DLAT: variants seen among roughly 807,000 people sequenced by gnomAD.
The protein encoded by DLAT is dihydrolipoamide S-acetyltransferase, also known as dihydrolipoyllysine-residue acetyltransferase component of pyruvate dehydrogenase complex, mitochondrial.
DLAT carries 43 observed loss-of-function variants against 68.0 expected under a neutral mutation model. The observed-to-expected ratio is 0.63, with a 90% CI of 0.50 to 0.81. DLAT has a LOEUF of 0.81. Ranked by LOEUF, DLAT falls within the 40% of genes least tolerant of loss-of-function variation. The pLI, the probability that DLAT is intolerant of heterozygous loss-of-function variation, is 0.00. For missense variants in DLAT, 745 were observed against 815.4 expected, an observed-to-expected ratio of 0.91 and a Z score of 1.05; for synonymous variants, 265 against 288.6, an observed-to-expected ratio of 0.92 and a Z score of 0.83.
At chr11:112,049,451 A>G (rs1555181787) in intron 10 of DLAT, among the ~76,000 whole-genome samples, 1 of 152,184 alleles carries the variant, frequency 6.6e-6, no homozygotes, top group East Asian at 1.9e-4. Flanking sequence ...TTTGCACTCT[A>G]AATTTGCATT....
At chr11:112,061,310 A>T in intron 13 of DLAT, 136 bp downstream of exon 13, 1 of 846,182 alleles carries the variant, frequency 1.2e-6, no homozygotes, top group Non-Finnish European at 2.0e-6. Context: ...CCCTGATATG[A>T]TATGATGTAA....
intron 2 of DLAT, among the ~76,000 whole-genome samples, chr11:112,026,766 T>TC (rs1217652103): frequency 6.6e-6 from 1 of 151,904 alleles, no homozygotes; most frequent in Non-Finnish European, 1.5e-5. Context: ...TCCCCACCTT[T>TC]CCCCCCTTTC....
intron 6 of DLAT, among the ~76,000 whole-genome samples, chr11:112,038,099 C>G (rs1486042200): frequency 2.0e-5 from 3 of 152,178 alleles, no homozygotes; most frequent in African/African-American, 7.2e-5. Context: ...ATGCTAGAAT[C>G]ATGTGAGTTT....
chr11:112,047,099 G>A (rs996307122), intron 10 of DLAT, among the ~76,000 whole-genome samples: 5 of 152,170 alleles, frequency 3.3e-5, no homozygotes, highest in South Asian at 2.1e-4. Flanking sequence ...GTGTAAAAGC[G>A]TTCCTATTTC....
Position 112,060,071 on chromosome 11 carries a change from G to T in DLAT, c.1677+6G>T, listed in dbSNP as rs781851576. 1.9e-6 allele frequency: 3 copies of T among 1,609,430 alleles called. No homozygotes were observed. The highest frequency in any genetic ancestry group is 2.2e-5 in the East Asian group (1 of 44,588). On this transcript the variant is annotated splice_donor_region_variant and intron_variant, in intron 12 of 13. Transcript: ENST00000280346. The stretch of plus-strand genomic sequence containing the variant: ...TACAGCCACATGAATTCCAGGTAGG[G>T]TATTAATTATTGCTTTCTAATTATG...
intron 2 of DLAT, 93 bp downstream of exon 2, chr11:112,026,392 T>C (rs1402065496): frequency 3.1e-6 from 2 of 646,284 alleles, no homozygotes; most frequent in Admixed American, 7.3e-5. Context: ...GGCAGGGTCA[T>C]AGGACAATAG....
In DLAT at chr11:112,039,229, A is replaced by AT. The variant is rs782800078; in HGVS notation, c.976-7dup. 8 of 1,613,056 alleles carry AT rather than the reference A, an allele frequency of 5.0e-6. No homozygotes were observed. The South Asian group carries it at 5.5e-5, about 11-fold the overall frequency. ...AAGTGGTGAATTAAAACAATTTGTA[A>AT]TTTTTTTTCAAAAGGTGGCCGCTGT... On this transcript the variant is annotated splice_polypyrimidine_tract_variant and intron_variant, in intron 6 of 13. Transcript: ENST00000280346.
In DLAT at chr11:112,025,615, T is replaced by A. The variant is rs782140871; in HGVS notation, c.143T>A (p.Val48Glu). 49 of 1,613,792 alleles carry A rather than the reference T, an allele frequency of 3.0e-5. No individual in the cohort carries two copies. The highest frequency in any genetic ancestry group is 4.1e-5 in the Non-Finnish European group (48 of 1,179,994). ...SGPAPARRNS[V>E]TTGYGGVRAL... ...CCGGCTCCCGCTCGTCGCAACAGCG[T>A]GACTACAGGGTATGGCGGGGTCCGG... Residue 48 changes from valine to glutamate, a missense_variant, in exon 1 of 14, where the codon GTG becomes GAG. Transcript: ENST00000280346.
Position 112,039,283 on chromosome 11 carries a change from A to G in DLAT, c.1015A>G (p.Thr339Ala), listed in dbSNP as rs782206862. 75 of 1,614,006 alleles carry G rather than the reference A, an allele frequency of 4.6e-5. No individual in the cohort carries two copies. Among genetic ancestry groups the G allele is most frequent in the Non-Finnish European group, 6.0e-5 (71 of 1,180,028 alleles). ...VPPTPQPLAP[T>A]PSAPCPATPA... is the part of the protein sequence containing the mutation. ...TCCAACTCCCCAGCCTTTAGCTCCT[A>G]CACCTTCAGCACCCTGCCCAGCTAC... The change falls in exon 7 of 14, where the codon ACA becomes GCA. Residue 339 changes from threonine (T) to alanine (A), a missense_variant. Thr to Ala is a moderately conservative substitution (Grantham distance 58, BLOSUM62 0). Transcript: ENST00000280346.
intron 13 of DLAT, among the ~76,000 whole-genome samples, chr11:112,062,179 T>TAA (rs1485792850): frequency 3.3e-5 from 5 of 152,152 alleles, no homozygotes; most frequent in Non-Finnish European, 5.9e-5. Flanking sequence ...CTTTACCTAA[T>TAA]AAAAACAGGC....
At position 112,051,262 on chromosome 11, in the gene DLAT, T is replaced by C. The variant is rs1555181959; in HGVS notation, c.1427T>C (p.Val476Ala). 1 of 1,612,916 alleles carries C rather than the reference T, an allele frequency of 6.2e-7. No individual in the cohort carries two copies. The highest frequency in any genetic ancestry group is 1.8e-4 in the Middle Eastern group (1 of 5,696). Residue 476 changes from valine (V) to alanine (A), a missense_variant, in exon 11 of 14, where the codon GTC becomes GCC. Physicochemically the swap from Val to Ala is moderately conservative, Grantham distance 64. Coordinates refer to ENST00000280346, the MANE Select transcript of DLAT (RefSeq NM_001931.5). The surrounding 1 kb of genome is among the most constrained non-coding windows in gnomAD (Gnocchi z 4.3). ...KILEGRSKIS[V>A]NDFIIKASAL... ...TTAGAAGGGAGAAGCAAAATTTCTGTCAATGACTTCATCATAAAAGCTTCA... is the reference window on the plus strand; with the variant it reads ...TTAGAAGGGAGAAGCAAAATTTCTGCCAATGACTTCATCATAAAAGCTTCA...
At chr11:112,026,708 C>CTA (rs1862036679) in intron 2 of DLAT, among the ~76,000 whole-genome samples, 1 of 152,240 alleles carries the variant, frequency 6.6e-6, no homozygotes, top group African/African-American at 2.4e-5. Flanking sequence ...TCTCCCATGT[C>CTA]TACCTCTTTC....
At position 112,060,083 on chromosome 11, in the gene DLAT, G is replaced by A. The variant is rs782497091; in HGVS notation, c.1677+18G>A. 2 of 1,605,628 alleles carry A rather than the reference G, an allele frequency of 1.2e-6. No homozygotes were observed. The highest frequency in any genetic ancestry group is 3.3e-5 in the Admixed American group (2 of 59,760). On this transcript the variant is annotated intron_variant, in intron 12 of 13. Coordinates refer to ENST00000280346, the MANE Select transcript of DLAT (RefSeq NM_001931.5). The stretch of plus-strand genomic sequence containing the variant: ...AATTCCAGGTAGGGTATTAATTATT[G>A]CTTTCTAATTATGTTATTTTTAAGG...
chr11:112,046,070 A>G, intron 10 of DLAT, 100 bp downstream of exon 10: 2 of 702,460 alleles, frequency 2.8e-6, no homozygotes, highest in Non-Finnish European at 2.5e-6. Flanking sequence ...ACAATATATC[A>G]GTTGGTGGTT....
chr11:112,051,459 C>T lies in DLAT; in HGVS notation c.1514+110C>T. Reference sequence around the variant, plus strand: ...AAATGGAATACAGAGAGGCAGATGACTTACATAGGTCAAACAACTTGAAAA... The same window carrying T: ...AAATGGAATACAGAGAGGCAGATGATTTACATAGGTCAAACAACTTGAAAA... On this transcript the variant is annotated intron_variant, in intron 11 of 13. Coordinates refer to ENST00000280346, the MANE Select transcript of DLAT (RefSeq NM_001931.5). The surrounding 1 kb of genome is among the most constrained non-coding windows in gnomAD (Gnocchi z 4.3). 1.3e-6 allele frequency: 1 copy of T among 791,848 alleles called. No individual in the cohort carries two copies. Among genetic ancestry groups the T allele is most frequent in the East Asian group, 2.6e-5 (1 of 38,578 alleles). 49.1% of individuals were successfully genotyped at this position (791,848 alleles called of 1,614,324 possible).
chr11:112,033,322 A>C, intron 4 of DLAT, 82 bp from the exon 5 acceptor site: 1 of 1,543,576 alleles, frequency 6.5e-7, no homozygotes, highest in South Asian at 1.1e-5. Context: ...CCATCATTCT[A>C]TGAAACCACA....
At chr11:112,036,219 T>G (rs868967811) in intron 5 of DLAT, among the ~76,000 whole-genome samples, 83 of 115,464 alleles carry the variant, frequency 7.2e-4, no homozygotes, top group African/African-American at 2.5e-3. Flanking sequence ...TTTTTTTTTT[T>G]TTTTTTTTTT....
chr11:112,044,342 A>C (rs144143990), intron 8 of DLAT, among the ~76,000 whole-genome samples: 2 of 152,088 alleles, frequency 1.3e-5, no homozygotes, highest in African/African-American at 4.8e-5. Flanking sequence ...CTACAGGTGC[A>C]TGCCATCACA....
intron 10 of DLAT, among the ~76,000 whole-genome samples, chr11:112,049,832 T>C (rs1863516556): frequency 6.6e-6 from 1 of 152,256 alleles, no homozygotes; most frequent in East Asian, 1.9e-4. Flanking sequence ...TAATGTTATC[T>C]GCAAATAGAG....
Sources: allele counts gnomAD v4.1 joint callset (sites outside exome capture counted in the v4.1 genomes callset), GRCh38; gene constraint gnomAD v4.1.1; non-coding constraint Gnocchi (gnomAD v3.1); transcripts MANE v1.5; gene names NCBI Gene and HGNC (gene_info 2026-07-23, HGNC 2026-07-21).